Variants in OTUB2 observed in about 807,000 individuals in gnomAD.
OTUB2 encodes ubiquitin thioesterase OTUB2.
OTUB2 carries 21 observed loss-of-function variants against 25.1 expected under a neutral mutation model. The observed-to-expected ratio is 0.84, with a 90% confidence interval of 0.59 to 1.21. The LOEUF is 1.21. Ranked by LOEUF, OTUB2 falls within the 50% of genes most tolerant of loss-of-function variation. OTUB2 has a pLI of 0.00. For missense variants in OTUB2, 283 were observed against 298.0 expected (o/e 0.95, Z 0.37); for synonymous variants, 122 against 122.8 (o/e 0.99, Z 0.04).
chr14:94,046,555 A>AC lies in OTUB2; in HGVS notation c.*633_*634insC. ...CAGAAAGGGGCCTTTAGCCTTTAGT[A>AC]GGAGCTCAAATTGTTGGGGCCCCTC... On this transcript the variant is annotated 3_prime_UTR_variant, in exon 6 of 6. Coordinates refer to ENST00000203664, the MANE Select transcript of OTUB2 (RefSeq NM_023112.4). 1 of 152,888 alleles carries AC rather than the reference A, an allele frequency of 6.5e-6. No homozygotes were observed. Among genetic ancestry groups the AC allele is most frequent in the Admixed American group, 6.5e-5 (1 of 15,406 alleles). The allele number at this position is 152,888 out of a possible 1,614,324, so 9.5% of individuals were successfully genotyped here.
At chr14:94,028,982 G>A (rs575555009) in intron 1 of OTUB2, among the ~76,000 whole-genome samples, 3 of 152,304 alleles carry the variant, frequency 2.0e-5, no homozygotes, top group Non-Finnish European at 2.9e-5. Flanking sequence ...AAGAATAGGG[G>A]ATTTTGGCAA....
chr14:94,039,276 A>T (rs1885115122), intron 3 of OTUB2, 195 bp downstream of exon 3: 4 of 597,044 alleles, frequency 6.7e-6, no homozygotes, highest in Admixed American at 3.0e-5. Context: ...CAAGGGGTGG[A>T]GGATGGAATC....
At chr14:94,041,083 G>T (rs1179757771) in intron 3 of OTUB2, among the ~76,000 whole-genome samples, 1 of 152,230 alleles carries the variant, frequency 6.6e-6, no homozygotes, top group African/African-American at 2.4e-5. Flanking sequence ...AGGGGAGATG[G>T]CTGTGGCATG....
At position 94,046,089 on chromosome 14, in the gene OTUB2, C is replaced by A; in HGVS notation, c.*167C>A. ...GCCTATCCACTATGGACTATGGTAACTTGGTAGGATTTTTAGTATTTATTT... is the reference window on the plus strand; with the variant it reads ...GCCTATCCACTATGGACTATGGTAAATTGGTAGGATTTTTAGTATTTATTT... On this transcript the variant is annotated 3_prime_UTR_variant, in exon 6 of 6. Transcript: ENST00000203664. 2.8e-6 allele frequency: 2 copies of A among 708,418 alleles called. No homozygotes were observed. Among genetic ancestry groups the A allele is most frequent in the Non-Finnish European group, 4.6e-6 (2 of 431,336 alleles). 43.9% of individuals were successfully genotyped at this position (708,418 alleles called of 1,614,324 possible).
In OTUB2 at chr14:94,045,893, A is replaced by G. The variant is rs1885266669; in HGVS notation, c.676A>G (p.Asn226Asp). Residue 226 changes from asparagine (N) to aspartate (D), a missense_variant, in exon 6 of 6, where the codon AAC becomes GAC. Transcript: ENST00000203664. Reference protein sequence around the residue: ...VYLLYKTSHYNILYAADKH With the variant: ...VYLLYKTSHYDILYAADKH ...CCTGCTCTATAAAACATCCCACTAC[A>G]ACATCCTTTATGCAGCCGATAAACA... 6.2e-7 allele frequency: 1 copy of G among 1,614,192 alleles called. No homozygotes were observed. The highest frequency in any genetic ancestry group is 2.2e-5 in the East Asian group (1 of 44,884).
chr14:94,030,820 G>GA lies in OTUB2; in HGVS notation c.3+4280_3+4281insA, dbSNP rs1555434145. 3.3e-4 allele frequency among the ~76,000 whole-genome samples: 49 copies of GA among 150,196 alleles called. 2 individuals carry two copies. The highest frequency in any genetic ancestry group is 7.9e-4 in the Admixed American group (12 of 15,174). On this transcript the variant is annotated intron_variant, in intron 1 of 5. Coordinates refer to ENST00000203664, the MANE Select transcript of OTUB2 (RefSeq NM_023112.4). ...TGAGAGCAAGGCAGAGTGATGGGGA[G>GA]GGTGGGGGCCGGTGTGTAAGCCGGG...
intron 3 of OTUB2, among the ~76,000 whole-genome samples, chr14:94,041,690 C>A (rs1044088589): frequency 1.3e-5 from 2 of 152,180 alleles, no homozygotes; most frequent in Non-Finnish European, 2.9e-5. Context: ...CCGTTGCCTA[C>A]CCACCCTGAG....
At chr14:94,038,319 T>C (rs1029501377) in intron 2 of OTUB2, among the ~76,000 whole-genome samples, 1 of 152,198 alleles carries the variant, frequency 6.6e-6, no homozygotes, top group Non-Finnish European at 1.5e-5. Flanking sequence ...TCCTGGGAGA[T>C]GAGCCAGGGG....
rs34660745 is a variant in OTUB2, at chr14:94,031,238, GA to G, written c.3+4712del. Reference sequence around the variant, plus strand: ...GGCAACACAGTGAGATCCCATCTCAGAAAAAAAAAAAAAAGAAAAAGAAAAC... The same window carrying G: ...GGCAACACAGTGAGATCCCATCTCAGAAAAAAAAAAAAAGAAAAAGAAAAC... On this transcript the variant is annotated intron_variant, in intron 1 of 5. Transcript: ENST00000203664. 4.5e-3 allele frequency among the ~76,000 whole-genome samples: 555 copies of G among 124,256 alleles called. 3 individuals are homozygous for G. Among genetic ancestry groups the G allele is most frequent in the African/African-American group, 0.012 (420 of 34,436 alleles). 81.5% of individuals were successfully genotyped at this position (124,256 alleles called of 152,430 possible). A position where few individuals can be genotyped will look rare whatever the true frequency, so the allele number is the denominator to read the frequency against.
chr14:94,028,510 C>CA (rs1402088084), intron 1 of OTUB2, among the ~76,000 whole-genome samples: 5 of 152,240 alleles, frequency 3.3e-5, no homozygotes, highest in Admixed American at 3.3e-4. Flanking sequence ...GCAGGGACTG[C>CA]AAATAGCTAG....
chr14:94,030,783 CAA>C (rs1884946994), intron 1 of OTUB2, among the ~76,000 whole-genome samples: 1 of 144,166 alleles, frequency 6.9e-6, no homozygotes, highest in African/African-American at 2.8e-5. Context: ...GACGTAATCA[CAA>C]GTGTCCTTAT....
chr14:94,045,938 G>GCAGT lies in OTUB2; in HGVS notation c.*17_*20dup, dbSNP rs750511577. 6.2e-7 allele frequency: 1 copy of GCAGT among 1,611,574 alleles called. No homozygotes were observed. The highest frequency in any genetic ancestry group is 1.7e-5 in the Admixed American group (1 of 59,992). On this transcript the variant is annotated 3_prime_UTR_variant, in exon 6 of 6. Transcript: ENST00000203664. ...TAAACATTGATTAATTTTAGGCCAT[G>GCAGT]CAGTGGAACCTGTCACCTAATGGGA...
chr14:94,031,542 G>T (rs549577289), intron 1 of OTUB2, among the ~76,000 whole-genome samples: 1 of 152,238 alleles, frequency 6.6e-6, no homozygotes, highest in South Asian at 2.1e-4. Flanking sequence ...CCTCTCCAGC[G>T]TCATGGTGGG....
chr14:94,035,144 G>A (rs976282809), intron 1 of OTUB2, among the ~76,000 whole-genome samples: 80 of 152,208 alleles, frequency 5.3e-4, no homozygotes, highest in African/African-American at 6.7e-4. Flanking sequence ...GATTAATTTC[G>A]CAAAGAAGGG....
intron 4 of OTUB2, 92 bp from the exon 5 acceptor site, chr14:94,044,493 AG>A: frequency 7.8e-7 from 1 of 1,274,550 alleles, no homozygotes; most frequent in Non-Finnish European, 1.1e-6. Context: ...AATGCACGTG[AG>A]GGCTTCACGC....
rs1885230341 is a variant in OTUB2, at chr14:94,044,624, A to G, written c.342A>G (p.Ser114=). The G allele has an allele frequency of 6.2e-7, 1 of 1,614,036 alleles. No individual in the cohort carries two copies. Among genetic ancestry groups the G allele is most frequent in the South Asian group, 1.1e-5 (1 of 91,086 alleles). ...TGGAACTGGTAGAGAAGGATGGCTC[A>G]GTGTCCAGCCTGCTGAAGGTGTTCA... The part of the protein sequence containing the change: ...SVVELVEKDG[S]VSSLLKVFND... The change falls in exon 5 of 6, where the codon TCA becomes TCG. Residue 114 remains serine, a synonymous_variant. Coordinates refer to ENST00000203664, the MANE Select transcript of OTUB2 (RefSeq NM_023112.4).
chr14:94,026,471 C>T lies in OTUB2; in HGVS notation c.-67C>T, dbSNP rs1884860744. ...CCAGCGGCGGAGCCCGCCCGCGCCT[C>T]CCGCGGCATTCCCGCACCGGATCGC... On this transcript the variant is annotated 5_prime_UTR_variant, in exon 1 of 6. Coordinates refer to ENST00000203664, the MANE Select transcript of OTUB2 (RefSeq NM_023112.4). 7.5e-7 allele frequency: 1 copy of T among 1,326,218 alleles called. No individual in the cohort carries two copies. 82.2% of individuals were successfully genotyped at this position (1,326,218 alleles called of 1,614,324 possible).
chr14:94,039,257 G>A (rs1282130621), intron 3 of OTUB2, 176 bp downstream of exon 3: 1 of 608,424 alleles, frequency 1.6e-6, no homozygotes, highest in African/African-American at 1.9e-5. Flanking sequence ...TGGTGAAGTT[G>A]GGGGCAGCCA....
chr14:94,038,042 T>C (rs989236583), intron 2 of OTUB2, among the ~76,000 whole-genome samples: 1 of 152,274 alleles, frequency 6.6e-6, no homozygotes, highest in African/African-American at 2.4e-5. Flanking sequence ...CTCTGCACTC[T>C]GCAGGTCTTC....
Sources: allele counts gnomAD v4.1 joint callset (sites outside exome capture counted in the v4.1 genomes callset), GRCh38; gene constraint gnomAD v4.1.1; transcripts MANE v1.5; gene names NCBI Gene and HGNC (gene_info 2026-07-23, HGNC 2026-07-21).